Variants in TUSC3 observed in about 807,000 individuals in gnomAD.
TUSC3 encodes tumor suppressor candidate 3.
Under a neutral mutation model 44.8 loss-of-function variants are expected in TUSC3, and 45 were observed. The observed-to-expected ratio is 1.00, with a 90% CI of 0.79 to 1.29. The LOEUF (loss-of-function observed/expected upper bound fraction) is 1.29. TUSC3 is among the 50% of genes most tolerant of loss of function. TUSC3 has a pLI of 0.00. For missense variants in TUSC3, 519 were observed against 437.9 expected, an observed-to-expected ratio of 1.19 and a Z score of -1.65; for synonymous variants, 212 against 152.9, an observed-to-expected ratio of 1.39 and a Z score of -2.85.
chr8:15,658,438 G>T (rs1473419423), intron 3 of TUSC3, among the ~76,000 whole-genome samples: 3 of 151,982 alleles, frequency 2.0e-5, no homozygotes, highest in Non-Finnish European at 4.4e-5. Flanking sequence ...GGGCAGCTAA[G>T]CTTTTACTGT....
intron 3 of TUSC3, among the ~76,000 whole-genome samples, chr8:15,658,531 T>C (rs1312643414): frequency 6.6e-6 from 1 of 152,032 alleles, no homozygotes; most frequent in Non-Finnish European, 1.5e-5. Flanking sequence ...AATACTGAAC[T>C]GTACTGCAAG....
chr8:15,503,547 A>G (rs1185513311), intron 2 of TUSC3, among the ~76,000 whole-genome samples: 1 of 152,112 alleles, frequency 6.6e-6, no homozygotes, highest in African/African-American at 2.4e-5. Flanking sequence ...TCTAGAAAAA[A>G]TTAAAAATTA....
intron 1 of TUSC3, among the ~76,000 whole-genome samples, chr8:15,570,709 A>G (rs7829439): frequency 0.014 from 2,117 of 152,090 alleles, 57 homozygotes; most frequent in African/African-American, 0.048. Flanking sequence ...GAGTTGAAGT[A>G]ATTTGCCTGG....
chr8:15,489,159 A>G (rs550783133), intron 2 of TUSC3, among the ~76,000 whole-genome samples: 14 of 152,370 alleles, frequency 9.2e-5, no homozygotes, highest in East Asian at 1.9e-4. Context: ...CAGAAGCTCC[A>G]GGTATGCATC....
intron 1 of TUSC3, among the ~76,000 whole-genome samples, chr8:15,438,237 G>A (rs940200551): frequency 6.6e-6 from 1 of 152,110 alleles, no homozygotes; most frequent in African/African-American, 2.4e-5. Flanking sequence ...TAGGATTACA[G>A]GCATGCGCCA....
intron 2 of TUSC3, among the ~76,000 whole-genome samples, chr8:15,483,688 C>T (rs1404951740): frequency 1.2e-5 from 1 of 85,846 alleles, no homozygotes; most frequent in Non-Finnish European, 2.2e-5. Context: ...CTAAGTTTCG[C>T]TCTGTTGCCC....
the TUSC3 span, among the ~76,000 whole-genome samples, chr8:15,786,699 C>T: frequency 6.6e-5 from 10 of 151,842 alleles, no homozygotes; most frequent in Non-Finnish European, 1.5e-4. Context: ...AATCCCAGCA[C>T]TTTGGGTGGC....
intron 10 of TUSC3, among the ~76,000 whole-genome samples, chr8:15,761,780 G>A (rs1197469702): frequency 6.6e-6 from 1 of 152,028 alleles, no homozygotes; most frequent in African/African-American, 2.4e-5. Context: ...ATTATTGACA[G>A]TTGTTTTTAA....
At chr8:15,550,092 A>G (rs1370063770) in intron 1 of TUSC3, among the ~76,000 whole-genome samples, 1 of 151,184 alleles carries the variant, frequency 6.6e-6, no homozygotes, top group Non-Finnish European at 1.5e-5. Flanking sequence ...GGAACAGAAC[A>G]GGACAGGGAT....
At chr8:15,851,088 G>T in the TUSC3 span, among the ~76,000 whole-genome samples, 28 of 152,284 alleles carry the variant, frequency 1.8e-4, no homozygotes, top group Non-Finnish European at 1.3e-4. Flanking sequence ...GACGCTTTTC[G>T]GAAGGTAACA....
At chr8:15,602,742 T>C (rs1398576949) in intron 1 of TUSC3, among the ~76,000 whole-genome samples, 1 of 151,162 alleles carries the variant, frequency 6.6e-6, no homozygotes, top group Admixed American at 6.6e-5. Flanking sequence ...ACACAAAATA[T>C]GGGTTGTATG....
the TUSC3 span, among the ~76,000 whole-genome samples, chr8:15,801,593 T>C: frequency 6.6e-6 from 1 of 152,144 alleles, no homozygotes. Flanking sequence ...TGTCTGTGGA[T>C]GGCTGGGTAA....
chr8:15,632,199 T>G (rs1041260818), intron 2 of TUSC3, among the ~76,000 whole-genome samples: 1 of 152,216 alleles, frequency 6.6e-6, no homozygotes, highest in Non-Finnish European at 1.5e-5. Context: ...GTTACACCTC[T>G]TTCTTTTAAT....
At chr8:15,836,446 C>T in the TUSC3 span, among the ~76,000 whole-genome samples, 1 of 149,242 alleles carries the variant, frequency 6.7e-6, no homozygotes, top group East Asian at 2.0e-4. Flanking sequence ...CACCGCACTC[C>T]AGCCTGGGCA....
intron 6 of TUSC3, chr8:15,689,683 C>A (rs1012379363): frequency 3.3e-5 from 5 of 152,156 alleles, no homozygotes; most frequent in African/African-American, 7.2e-5. Flanking sequence ...TGTTTACCAC[C>A]CACTTGTAAG....
chr8:15,787,318 A>G, the TUSC3 span, among the ~76,000 whole-genome samples: 1 of 152,208 alleles, frequency 6.6e-6, no homozygotes, highest in East Asian at 1.9e-4. Flanking sequence ...ATGCTGATTA[A>G]TGTTAGGTTA....
the TUSC3 span, among the ~76,000 whole-genome samples, chr8:15,811,991 C>T: frequency 4.0e-4 from 61 of 152,168 alleles, no homozygotes; most frequent in African/African-American, 1.4e-3. Flanking sequence ...AAATATTTTG[C>T]CCATGGTTTG....
At chr8:15,819,263 T>C in the TUSC3 span, among the ~76,000 whole-genome samples, 5 of 152,150 alleles carry the variant, frequency 3.3e-5, no homozygotes, top group African/African-American at 1.2e-4. Context: ...CCTGTCTCCA[T>C]TGTGCACCAT....
At chr8:15,739,187 G>A (rs559406134) in intron 7 of TUSC3, among the ~76,000 whole-genome samples, 6 of 151,876 alleles carry the variant, frequency 4.0e-5, no homozygotes, top group Admixed American at 1.3e-4. Context: ...TAGTTAACCT[G>A]TCACAAAAAT....
Sources: gnomAD v4.1 joint callset for allele counts (sites outside exome capture counted in the v4.1 genomes callset) on GRCh38, gnomAD v4.1.1 for gene constraint, MANE v1.5 for transcripts, NCBI Gene and HGNC (gene_info 2026-07-23, HGNC 2026-07-21) for gene names.